The following RASSF3 variants were observed in gnomAD, a reference collection of about 807,000 sequenced individuals.
RASSF3 encodes the protein ras association domain-containing protein 3.
In RASSF3, 19 loss-of-function variants were observed where a neutral mutation model predicts 19.9. That is an observed-to-expected ratio of 0.96 (90% CI 0.67 to 1.40). The LOEUF (loss-of-function observed/expected upper bound fraction) is 1.40, where lower values mean the gene tolerates loss of function less well. Among genes scored for constraint, RASSF3 ranks in the 40% most tolerant of loss-of-function variants. RASSF3 has a pLI of 0.00. For missense variants in RASSF3, 306 were observed against 289.8 expected, an observed-to-expected ratio of 1.06 and a Z score of -0.41; for synonymous variants, 110 against 104.2, an observed-to-expected ratio of 1.06 and a Z score of -0.34.
chr12:64,567,088 A>C (rs1236563800), intron 2 of RASSF3, among the ~76,000 whole-genome samples: 3 of 152,240 alleles, frequency 2.0e-5, no homozygotes, highest in African/African-American at 7.2e-5. Flanking sequence ...CTGTTGGGGC[A>C]GATCAATTTC....
intron 2 of RASSF3, among the ~76,000 whole-genome samples, chr12:64,594,229 G>A (rs569171159): frequency 6.6e-6 from 1 of 152,100 alleles, no homozygotes; most frequent in African/African-American, 2.4e-5. Flanking sequence ...AGCTACTCAG[G>A]AAGCTGAGGT....
At position 64,689,019 on chromosome 12, in the gene RASSF3, T is replaced by C. The variant is rs544978667; in HGVS notation, c.457+566T>C. Among the ~76,000 whole-genome samples the C allele has an allele frequency of 2.0e-5, 3 of 152,300 alleles. No homozygotes were observed. In the South Asian group the frequency reaches 6.2e-4, roughly 32 times the overall value. On this transcript the variant is annotated intron_variant, in intron 3 of 4. Transcript: ENST00000542104. ...TTTTGGTACTCTGTCCCCCAGAGGC[T>C]CATCAAATGAGTGAATAACATTTTG...
downstream of RASSF3, among the ~76,000 whole-genome samples, chr12:64,542,668 T>C (rs1350082871): frequency 6.6e-6 from 1 of 152,190 alleles, no homozygotes; most frequent in Non-Finnish European, 1.5e-5. Context: ...GGTGGGTGGA[T>C]TGCTTAAGGC....
rs531246398 is a variant in RASSF3 at position 64,664,611 on chromosome 12, G to GT, written c.112-20173dup. On this transcript the variant is annotated intron_variant, in intron 1 of 4. Coordinates refer to ENST00000542104, the MANE Select transcript of RASSF3 (RefSeq NM_178169.4). ...CTCTCAGTTATGAAAAATAAAATCA[G>GT]TTTCAGGGCTCACAAAGTAAAAAGG... Among the ~76,000 whole-genome samples the GT allele has an allele frequency of 1.4e-4, 21 of 152,248 alleles. No homozygotes were observed. In the East Asian group the frequency reaches 4.1e-3, roughly 29 times the overall value.
At chr12:64,622,216 A>ATTT (rs35037944) in intron 1 of RASSF3, among the ~76,000 whole-genome samples, 1 of 134,510 alleles carries the variant, frequency 7.4e-6, no homozygotes, top group African/African-American at 2.8e-5. Flanking sequence ...ATGTCCAGCT[A>ATTT]TTTTTTTTTT....
intron 2 of RASSF3, among the ~76,000 whole-genome samples, chr12:64,595,154 G>A (rs1337980452): frequency 1.2e-4 from 15 of 128,218 alleles, no homozygotes; most frequent in Admixed American, 1.0e-3. Context: ...AGCTACCTCC[G>A]CCTCCCCAGT....
downstream of RASSF3, among the ~76,000 whole-genome samples, chr12:64,546,157 G>C (rs967505806): frequency 6.8e-6 from 1 of 148,140 alleles, no homozygotes; most frequent in Admixed American, 6.7e-5. Context: ...ATAATTTTCT[G>C]TATATACACG....
rs771230784 is a variant in RASSF3, at chr12:64,691,456, G to GT, written c.458-11dup. 6 of 1,570,818 alleles carry GT rather than the reference G, an allele frequency of 3.8e-6. No homozygotes were observed. The East Asian group carries it at 1.3e-4, about 35-fold the overall frequency. On this transcript the variant is annotated splice_polypyrimidine_tract_variant and intron_variant, in intron 3 of 4. Coordinates refer to ENST00000542104, the MANE Select transcript of RASSF3 (RefSeq NM_178169.4). Reference sequence around the variant, plus strand: ...CTGAATACTCTGTAACATGCTGCTTGTTTCTTTACCCAGTCTACGCCTGCA... The same window carrying GT: ...CTGAATACTCTGTAACATGCTGCTTGTTTTCTTTACCCAGTCTACGCCTGCA...
chr12:64,683,893 A>G (rs1160697063), intron 1 of RASSF3, among the ~76,000 whole-genome samples: 1 of 151,970 alleles, frequency 6.6e-6, no homozygotes, highest in Non-Finnish European at 1.5e-5. Flanking sequence ...TATATCCCCT[A>G]GGAAGACTGT....
At chr12:64,573,247 G>C (rs1241664865) in intron 2 of RASSF3, among the ~76,000 whole-genome samples, 1 of 148,360 alleles carries the variant, frequency 6.7e-6, no homozygotes, top group South Asian at 2.1e-4. Flanking sequence ...GGAGGTCAAG[G>C]CTGCAGTGAG....
intron 1 of RASSF3, among the ~76,000 whole-genome samples, chr12:64,539,846 C>G (rs1868905269): frequency 6.6e-6 from 1 of 152,126 alleles, no homozygotes; most frequent in African/African-American, 2.4e-5. Flanking sequence ...TCACAATATT[C>G]CATCATACAG....
At chr12:64,649,006 CATT>C (rs1351322514) in intron 1 of RASSF3, among the ~76,000 whole-genome samples, 1 of 151,556 alleles carries the variant, frequency 6.6e-6, no homozygotes, top group Non-Finnish European at 1.5e-5. Context: ...GACAGGGTCT[CATT>C]ATGTTGCCCA....
upstream of RASSF3, among the ~76,000 whole-genome samples, chr12:64,608,953 GAC>G (rs1420040469): frequency 1.8e-4 from 27 of 152,278 alleles, no homozygotes; most frequent in Non-Finnish European, 3.4e-4. Context: ...AATGTTGTAG[GAC>G]CTTTAAAATG....
intron 2 of RASSF3, among the ~76,000 whole-genome samples, chr12:64,595,679 C>T (rs540940355): frequency 6.6e-6 from 1 of 152,306 alleles, no homozygotes; most frequent in East Asian, 1.9e-4. Flanking sequence ...ACCCACATCA[C>T]AGGAACCTTG....
chr12:64,524,601 G>A (rs1460461919), intron 1 of RASSF3, among the ~76,000 whole-genome samples: 1 of 152,132 alleles, frequency 6.6e-6, no homozygotes, highest in Non-Finnish European at 1.5e-5. Context: ...ACTCAGTGAT[G>A]TCAAGGTGCC....
intron 1 of RASSF3, 68 bp downstream of exon 1, chr12:64,610,811 C>A: frequency 1.0e-6 from 1 of 1,004,770 alleles, no homozygotes; most frequent in Non-Finnish European, 1.4e-6. Flanking sequence ...AGCCCGCGCC[C>A]CCTGCCTCCA....
At chr12:64,625,662 C>T (rs1349693898) in intron 1 of RASSF3, among the ~76,000 whole-genome samples, 1 of 152,134 alleles carries the variant, frequency 6.6e-6, no homozygotes, top group Non-Finnish European at 1.5e-5. Context: ...TAAGGTAATA[C>T]GTGCAAACTG....
At chr12:64,572,042 T>C (rs1189784354) in intron 2 of RASSF3, among the ~76,000 whole-genome samples, 1 of 152,224 alleles carries the variant, frequency 6.6e-6, no homozygotes, top group Non-Finnish European at 1.5e-5. Flanking sequence ...CCTAGTTACC[T>C]GGTTAATTCC....
rs1368044191 is a variant in RASSF3, at chr12:64,687,474, G to T, written c.220-742G>T. Among the ~76,000 whole-genome samples the T allele has an allele frequency of 2.7e-5, 4 of 148,722 alleles. No homozygotes were observed. In the East Asian group the frequency reaches 6.0e-4, roughly 22 times the overall value. ...TTTTTTTTTGTTTTGTTTTGTTTTT[G>T]TTTTTTGTTTTTTTTTTTGAGACAG... On this transcript the variant is annotated intron_variant, in intron 2 of 4. Coordinates refer to ENST00000542104, the MANE Select transcript of RASSF3 (RefSeq NM_178169.4).
Sources: gnomAD v4.1 joint callset for allele counts (sites outside exome capture counted in the v4.1 genomes callset) on GRCh38, gnomAD v4.1.1 for gene constraint, MANE v1.5 for transcripts, NCBI Gene and HGNC (gene_info 2026-07-23, HGNC 2026-07-21) for gene names.